The following GPR83 variants were observed in gnomAD, a reference collection of about 807,000 sequenced individuals.
GPR83 encodes the protein G protein-coupled receptor 83.
In GPR83, 23 loss-of-function variants were observed where a neutral mutation model predicts 28.0. That is an observed-to-expected ratio of 0.82 (90% CI 0.59 to 1.16). The LOEUF (loss-of-function observed/expected upper bound fraction) is 1.16, where lower values mean the gene tolerates loss of function less well. Among genes scored for constraint, GPR83 ranks in the 50% most tolerant of loss-of-function variants. GPR83 has a pLI of 0.00. For missense variants in GPR83, 610 were observed against 536.6 expected, an observed-to-expected ratio of 1.14 and a Z score of -1.35; for synonymous variants, 234 against 215.4, an observed-to-expected ratio of 1.09 and a Z score of -0.76.
intron 2 of GPR83, 77 bp downstream of exon 2, chr11:94,396,322 T>C: frequency 7.0e-7 from 1 of 1,423,920 alleles, no homozygotes; most frequent in South Asian, 1.2e-5. Context: ...TAAAACACTG[T>C]CTTCAGAGCC....
intron 3 of GPR83, among the ~76,000 whole-genome samples, chr11:94,383,717 T>C (rs566770118): frequency 2.6e-4 from 39 of 152,268 alleles, no homozygotes; most frequent in African/African-American, 9.1e-4. Flanking sequence ...TTTACACAAA[T>C]AAACTAGAAA....
At chr11:94,391,213 C>T (rs1364421526) in intron 3 of GPR83, among the ~76,000 whole-genome samples, 2 of 152,068 alleles carry the variant, frequency 1.3e-5, no homozygotes, top group Non-Finnish European at 2.9e-5. Context: ...GACACAAACA[C>T]ACAATGAGGG....
At chr11:94,392,116 A>G (rs964698068) in intron 3 of GPR83, among the ~76,000 whole-genome samples, 1 of 152,196 alleles carries the variant, frequency 6.6e-6, no homozygotes, top group Non-Finnish European at 1.5e-5. Context: ...AATGTGGCAC[A>G]CATACACCAT....
chr11:94,385,292 T>A (rs1170152946), intron 3 of GPR83, among the ~76,000 whole-genome samples: 1 of 151,890 alleles, frequency 6.6e-6, no homozygotes, highest in African/African-American at 2.4e-5. Flanking sequence ...TCAGAGCACC[T>A]CTCCTCCTCC....
chr11:94,380,044 G>T lies in GPR83; in HGVS notation c.*105C>A, dbSNP rs1338644269. ...GGAATTCAAGAGTCCTACAGCTTCTGCAGGAGTGTGTTTCCAGCACTCTGA... is the reference window on the plus strand; with the variant it reads ...GGAATTCAAGAGTCCTACAGCTTCTTCAGGAGTGTGTTTCCAGCACTCTGA... On this transcript the variant is annotated 3_prime_UTR_variant, in exon 4 of 4. Transcript: ENST00000243673. 3 of 899,248 alleles carry T rather than the reference G, an allele frequency of 3.3e-6. No individual in the cohort carries two copies. The highest frequency in any genetic ancestry group is 4.9e-6 in the Non-Finnish European group (3 of 611,048). 55.7% of individuals were successfully genotyped at this position (899,248 alleles called of 1,614,324 possible).
chr11:94,395,861 T>G (rs1944860497), intron 2 of GPR83, among the ~76,000 whole-genome samples: 1 of 152,238 alleles, frequency 6.6e-6, no homozygotes, highest in Non-Finnish European at 1.5e-5. Context: ...CTCTCTCCTT[T>G]CATCTGTGAT....
In GPR83 at chr11:94,380,617, C is replaced by G. The variant is rs373912322; in HGVS notation, c.804G>C (p.Leu268=). ...TGGTCACATCGCCAATCATATTACA[C>G]AGCCACAGTTTCTTGGCCACACGAG... ...AYARVAKKLW[L]CNMIGDVTTE... The change falls in exon 4 of 4, where the codon CTG becomes CTC. Residue 268 remains leucine, a synonymous_variant. Transcript: ENST00000243673. 10 of 1,614,126 alleles carry G rather than the reference C, an allele frequency of 6.2e-6. No homozygotes were observed. Among genetic ancestry groups the G allele is most frequent in the Non-Finnish European group, 8.5e-6 (10 of 1,180,016 alleles).
chr11:94,385,816 G>A (rs139251102), intron 3 of GPR83, among the ~76,000 whole-genome samples: 7,407 of 152,264 alleles, frequency 0.049, 253 homozygotes, highest in Non-Finnish European at 0.076. Context: ...TAGCAAGGCA[G>A]GCCAACATTC....
chr11:94,389,345 G>A (rs2134689989), intron 3 of GPR83, among the ~76,000 whole-genome samples: 1 of 152,186 alleles, frequency 6.6e-6, no homozygotes, highest in East Asian at 1.9e-4. Flanking sequence ...AAACTAAAGA[G>A]CTTCTGCAGA....
In GPR83 at chr11:94,378,848, T is replaced by C. The variant is rs1234594931; in HGVS notation, c.*1301A>G. ...TGCAATTGCAGGAGAGAAGGAATCA[T>C]GCCTCCTGGTTGAGTTTGATTCCCT... On this transcript the variant is annotated 3_prime_UTR_variant, in exon 4 of 4. Coordinates refer to ENST00000243673, the MANE Select transcript of GPR83 (RefSeq NM_016540.4). The C allele has an allele frequency of 6.6e-6, 1 of 152,350 alleles. No homozygotes were observed. The highest frequency in any genetic ancestry group is 2.4e-5 in the African/African-American group (1 of 41,440). The allele number at this position is 152,350 out of a possible 1,614,324, so 9.4% of individuals were successfully genotyped here. A position where few individuals can be genotyped will look rare whatever the true frequency, so the allele number is the denominator to read the frequency against.
Position 94,401,055 on chromosome 11 carries a change from ACT to A in GPR83, c.191_192del (p.Glu64ValfsTer153), listed in dbSNP as rs1209939399. 6.2e-7 allele frequency: 1 copy of A among 1,614,204 alleles called. No individual in the cohort carries two copies. The highest frequency in any genetic ancestry group is 8.5e-7 in the Non-Finnish European group (1 of 1,180,002). On this transcript the variant is annotated frameshift_variant, in exon 1 of 4. Transcript: ENST00000243673. LOFTEE classifies it high-confidence loss of function. ...AGGGCTTTCACCGTGGGGTTCTGGG[ACT>A]CAGCGCCGTAGCGCCTCCTGCCCAC... Reference protein sequence around the residue: ...NFVGRRRYGAESQNPTVKALL... With the variant: ...NFVGRRRYGAXSQNPTVKALL...
At chr11:94,392,731 C>G (rs1944829278) in intron 3 of GPR83, among the ~76,000 whole-genome samples, 1 of 151,890 alleles carries the variant, frequency 6.6e-6, no homozygotes, top group Non-Finnish European at 1.5e-5. Context: ...GAAGCTGAGG[C>G]AGGAGAATTG....
At chr11:94,392,171 C>T (rs527413430) in intron 3 of GPR83, among the ~76,000 whole-genome samples, 4 of 152,090 alleles carry the variant, frequency 2.6e-5, no homozygotes, top group Admixed American at 6.5e-5. Flanking sequence ...ATGTCCTTTG[C>T]GGGGACATGG....
chr11:94,395,636 T>C (rs1944858679), intron 2 of GPR83, among the ~76,000 whole-genome samples: 1 of 152,252 alleles, frequency 6.6e-6, no homozygotes, highest in South Asian at 2.1e-4. Flanking sequence ...GGCATGAAGC[T>C]GTCCTTCTTT....
At chr11:94,400,784 C>T (rs1944903660) in intron 1 of GPR83, 77 bp downstream of exon 1, 6 of 1,375,166 alleles carry the variant, frequency 4.4e-6, no homozygotes, top group Non-Finnish European at 6.1e-6. Context: ...CGCAGAACGG[C>T]AGAGGGAGGC....
At chr11:94,392,600 G>A (rs959246840) in intron 3 of GPR83, among the ~76,000 whole-genome samples, 4 of 152,126 alleles carry the variant, frequency 2.6e-5, no homozygotes, top group East Asian at 3.9e-4. Flanking sequence ...CAAGGTAGGC[G>A]GATAACCTGA....
Position 94,380,507 on chromosome 11 carries a change from C to A in GPR83, c.914G>T (p.Trp305Leu), listed in dbSNP as rs866269807. The change falls in exon 4 of 4, where the codon TGG becomes TTG. Residue 305 changes from tryptophan to leucine, a missense_variant. Trp to Leu is a moderately conservative substitution (Grantham distance 61). Transcript: ENST00000243673. ...GAGGACGTAGCAGTTGAGGGGGAAC[C>A]AGCAGAGGGCAAAGAGGACTACCAC... ...MLVVVLFALC[W>L]FPLNCYVLLL... 4 of 1,614,080 alleles carry A rather than the reference C, an allele frequency of 2.5e-6. No homozygotes were observed. Among genetic ancestry groups the A allele is most frequent in the Non-Finnish European group, 3.4e-6 (4 of 1,180,030 alleles).
chr11:94,393,228 A>G (rs975015546), intron 3 of GPR83, among the ~76,000 whole-genome samples: 1 of 152,170 alleles, frequency 6.6e-6, no homozygotes, highest in Non-Finnish European at 1.5e-5. Context: ...GATGCTGATA[A>G]TTATTGCTTT....
chr11:94,387,022 C>T (rs1944764411), intron 3 of GPR83, among the ~76,000 whole-genome samples: 2 of 152,216 alleles, frequency 1.3e-5, no homozygotes, highest in South Asian at 4.1e-4. Context: ...GATTAAGAAA[C>T]TCACTCAAAA....
Sources: allele counts gnomAD v4.1 joint callset (sites outside exome capture counted in the v4.1 genomes callset), GRCh38; gene constraint gnomAD v4.1.1; transcripts MANE v1.5; gene names NCBI Gene and HGNC (gene_info 2026-07-23, HGNC 2026-07-21).